MTARC1: variants seen among roughly 807,000 people sequenced by gnomAD.
The protein encoded by MTARC1 is mitochondrial amidoxime-reducing component 1.
A neutral mutation model predicts 33.6 loss-of-function variants in MTARC1; 24 were observed. That is an observed-to-expected ratio of 0.72 (90% CI 0.52 to 1.01). MTARC1 has a LOEUF of 1.01. MTARC1 is among the 50% of genes least tolerant of loss of function. The pLI is 0.00. For synonymous variants in MTARC1, 187 were observed against 189.5 expected, an observed-to-expected ratio of 0.99 and a Z score of 0.11; for missense variants, 417 against 445.7, an observed-to-expected ratio of 0.94 and a Z score of 0.58.
intron 1 of MTARC1, among the ~76,000 whole-genome samples, chr1:220,790,595 A>G (rs1009788470): frequency 6.6e-6 from 1 of 152,246 alleles, no homozygotes; most frequent in African/African-American, 2.4e-5. Flanking sequence ...TGAACAACTC[A>G]ACCATGATAA....
intron 3 of MTARC1, among the ~76,000 whole-genome samples, chr1:220,797,483 T>A (rs753671027): frequency 2.6e-5 from 4 of 152,160 alleles, no homozygotes; most frequent in Admixed American, 6.6e-5. Context: ...AAATATTAAT[T>A]TGTAAGTTGC....
chr1:220,791,388 G>A (rs954411398), intron 1 of MTARC1, 103 bp from the exon 2 acceptor site: 1 of 1,302,590 alleles, frequency 7.7e-7, no homozygotes, highest in South Asian at 1.4e-5. Flanking sequence ...CCAGGCTTAT[G>A]GGGAAGAAAT....
At chr1:220,801,278 G>T (rs1430319589) in intron 4 of MTARC1, among the ~76,000 whole-genome samples, 2 of 151,884 alleles carry the variant, frequency 1.3e-5, no homozygotes, top group Admixed American at 6.6e-5. Context: ...TCCCTCACAG[G>T]CCTCATGGCT....
At chr1:220,809,958 C>T (rs1042656385) in intron 6 of MTARC1, among the ~76,000 whole-genome samples, 2 of 152,196 alleles carry the variant, frequency 1.3e-5, no homozygotes, top group African/African-American at 4.8e-5. Flanking sequence ...ATGCGTAAAC[C>T]AGGCAGGGTA....
intron 1 of MTARC1, chr1:220,791,262 C>T (rs1874116): frequency 0.01 from 4,373 of 420,594 alleles, 63 homozygotes; most frequent in East Asian, 0.053. Flanking sequence ...AAACTGTTCT[C>T]CAGATATATG....
chr1:220,800,126 G>C (rs1412415195), intron 4 of MTARC1, among the ~76,000 whole-genome samples: 1 of 152,166 alleles, frequency 6.6e-6, no homozygotes, highest in Non-Finnish European at 1.5e-5. Flanking sequence ...CAGGAGAAGA[G>C]GAGATGGCCC....
At chr1:220,807,154 A>G (rs1219245660) in intron 6 of MTARC1, among the ~76,000 whole-genome samples, 1 of 152,210 alleles carries the variant, frequency 6.6e-6, no homozygotes, top group Non-Finnish European at 1.5e-5. Context: ...AAAAAAGCAA[A>G]TAATGGTTTT....
At chr1:220,801,316 C>A (rs2102599632) in intron 4 of MTARC1, among the ~76,000 whole-genome samples, 1 of 151,878 alleles carries the variant, frequency 6.6e-6, no homozygotes, top group East Asian at 1.9e-4. Context: ...CAGTCCCCTG[C>A]TGCGGGCTTC....
At chr1:220,801,379 C>T (rs766192976) in intron 4 of MTARC1, among the ~76,000 whole-genome samples, 7 of 152,178 alleles carry the variant, frequency 4.6e-5, no homozygotes, top group Non-Finnish European at 7.3e-5. Flanking sequence ...CCTAACAAGC[C>T]GTGTGTACTC....
chr1:220,796,701 A>G lies in MTARC1; in HGVS notation c.508A>G (p.Thr170Ala), dbSNP rs1217606141. Residue 170 changes from threonine to alanine, a missense_variant, in exon 3 of 7, where the codon ACC becomes GCC. Thr to Ala is a moderately conservative substitution (Grantham distance 58). Transcript: ENST00000366910. ...TGGCGAGGCCACCGCCCAGTGGATA[A>G]CCAGCTTCCTGAAGTCACAGCCCTA... Reference protein sequence around the residue: ...DCGEATAQWITSFLKSQPYRL... With the variant: ...DCGEATAQWIASFLKSQPYRL... The G allele has an allele frequency of 6.2e-7, 1 of 1,612,854 alleles. No homozygotes were observed. Among genetic ancestry groups the G allele is most frequent in the Admixed American group, 1.7e-5 (1 of 59,822 alleles).
Position 220,787,101 on chromosome 1 carries a change from C to A in MTARC1, c.157C>A (p.Gln53Lys). Reference protein sequence around the residue: ...AWPTRRRRLLQQVGTVAQLWI... With the variant: ...AWPTRRRRLLKQVGTVAQLWI... ...GCCCACGCGGCGCCGGCGGCTGCTG[C>A]AGCAGGTGGGCACAGTGGCGCAGCT... Residue 53 changes from glutamine (Q) to lysine (K), a missense_variant, in exon 1 of 7, where the codon CAG becomes AAG. Coordinates refer to ENST00000366910, the MANE Select transcript of MTARC1 (RefSeq NM_022746.4). The A allele has an allele frequency of 6.6e-7, 1 of 1,518,788 alleles. No individual in the cohort carries two copies. The allele number at this position is 1,518,788 out of a possible 1,614,324, so 94.1% of individuals were successfully genotyped here. A position where few individuals can be genotyped will look rare whatever the true frequency, so the allele number is the denominator to read the frequency against.
chr1:220,789,550 A>G (rs965979576), intron 1 of MTARC1, among the ~76,000 whole-genome samples: 5 of 152,252 alleles, frequency 3.3e-5, no homozygotes, highest in East Asian at 3.8e-4. Flanking sequence ...GCTTACTCTA[A>G]GGTATTTACC....
chr1:220,798,942 C>A (rs41303071), intron 4 of MTARC1: 34,403 of 985,326 alleles, frequency 0.035, 732 homozygotes, highest in Non-Finnish European at 0.037. Flanking sequence ...GAGAAATAAT[C>A]TAAGAATTTG....
In MTARC1 at chr1:220,797,937, T is replaced by C; in HGVS notation, c.676T>C (p.Ser226Pro). 6.2e-7 allele frequency: 1 copy of C among 1,614,196 alleles called. No homozygotes were observed. The highest frequency in any genetic ancestry group is 8.5e-7 in the Non-Finnish European group (1 of 1,180,038). ...LSEASLADLN[S>P]RLEKKVKATN... ...TGAGGCGTCGCTGGCGGATCTCAAC[T>C]CCAGGCTAGAGAAGAAAGTTAAAGC... Residue 226 changes from serine (S) to proline (P), a missense_variant, in exon 4 of 7, where the codon TCC (serine) becomes CCC (proline). Coordinates refer to ENST00000366910, the MANE Select transcript of MTARC1 (RefSeq NM_022746.4).
rs1672414048 is a variant in MTARC1 at position 220,791,379 on chromosome 1, C to A, written c.276-112C>A. The A allele has an allele frequency of 4.2e-6, 5 of 1,192,048 alleles. No homozygotes were observed. In the Admixed American group the frequency reaches 1.1e-4, roughly 27 times the overall value. The allele number at this position is 1,192,048 out of a possible 1,614,324, so 73.8% of individuals were successfully genotyped here. On this transcript the variant is annotated intron_variant, in intron 1 of 6. Transcript: ENST00000366910. Reference sequence around the variant, plus strand: ...CACACACACTCAAACTCACACACACCAGGCTTATGGGGAAGAAATCAAAGA... The same window carrying A: ...CACACACACTCAAACTCACACACACAAGGCTTATGGGGAAGAAATCAAAGA...
chr1:220,806,453 CA>C (rs1255101751), intron 6 of MTARC1, among the ~76,000 whole-genome samples: 1 of 152,176 alleles, frequency 6.6e-6, no homozygotes, highest in African/African-American at 2.4e-5. Context: ...GTATCCAAAC[CA>C]TCATGAACGA....
intron 6 of MTARC1, among the ~76,000 whole-genome samples, chr1:220,812,839 C>T (rs1317188891): frequency 2.0e-5 from 3 of 152,130 alleles, no homozygotes; most frequent in Non-Finnish European, 4.4e-5. Flanking sequence ...ATTCTCCCAC[C>T]TCAGCCTCCC....
At chr1:220,811,906 G>T (rs1673145166) in intron 6 of MTARC1, among the ~76,000 whole-genome samples, 1 of 152,228 alleles carries the variant, frequency 6.6e-6, no homozygotes, top group African/African-American at 2.4e-5. Flanking sequence ...TTGGGCGTGA[G>T]CAGTACAAGG....
Position 220,815,354 on chromosome 1 carries a change from A to C in MTARC1, c.*1936A>C, listed in dbSNP as rs1424207987. 1 of 152,180 alleles carries C rather than the reference A, an allele frequency of 6.6e-6. No homozygotes were observed. Among genetic ancestry groups the C allele is most frequent in the Non-Finnish European group, 1.5e-5 (1 of 68,042 alleles). The allele number at this position is 152,180 out of a possible 1,614,324, so 9.4% of individuals were successfully genotyped here. ...GTGGCAAGTGAAAGCCTTAGTCCTG[A>C]ATTTCTAACCACTTGTAAGAACTAA... is the stretch of plus-strand genomic sequence containing the variant. On this transcript the variant is annotated 3_prime_UTR_variant, in exon 7 of 7. Coordinates refer to ENST00000366910, the MANE Select transcript of MTARC1 (RefSeq NM_022746.4).
Sources: gnomAD v4.1 joint callset for allele counts (sites outside exome capture counted in the v4.1 genomes callset) on GRCh38, gnomAD v4.1.1 for gene constraint, MANE v1.5 for transcripts, NCBI Gene and HGNC (gene_info 2026-07-23, HGNC 2026-07-21) for gene names.